CYP3A4: variants seen among roughly 807,000 people sequenced by gnomAD.
The protein encoded by CYP3A4 is cytochrome P450 family 3 subfamily A member 4.
Under a neutral mutation model 54.9 loss-of-function variants are expected in CYP3A4, and 41 were observed. The observed-to-expected ratio is 0.75, with a 90% CI of 0.58 to 0.97. The LOEUF is 0.97. Ranked by LOEUF, CYP3A4 falls within the 50% of genes least tolerant of loss-of-function variation. The probability of loss-of-function intolerance (pLI) is 0.00; values close to 1 mark genes in which losing one functional copy is unlikely to be tolerated. For synonymous variants in CYP3A4, 179 were observed against 205.2 expected (o/e 0.87, Z 1.09); for missense variants, 510 against 597.3 (o/e 0.85, Z 1.52).
intron 1 of CYP3A4, among the ~76,000 whole-genome samples, chr7:99,781,993 A>AGCAG (rs1815937344): frequency 6.6e-6 from 1 of 152,244 alleles, no homozygotes; most frequent in Non-Finnish European, 1.5e-5. Context: ...ACCCAGCAGA[A>AGCAG]GCAGCATAGC....
At chr7:99,767,054 C>T (rs1815492924) in intron 8 of CYP3A4, 77 bp downstream of exon 8, 1 of 1,342,582 alleles carries the variant, frequency 7.4e-7, no homozygotes, top group Admixed American at 2.0e-5. Flanking sequence ...ATACAGGTAA[C>T]TGCACTGATC....
rs779129199 is a variant in CYP3A4, at chr7:99,779,978, T to C, written c.165+14A>G. ...AATCATAAGAAGCAAAAGAGTGAGC[T>C]CAAAAACACTCACCTTATGGTAGGA... On this transcript the variant is annotated intron_variant, in intron 2 of 12. Transcript: ENST00000651514. 3.7e-6 allele frequency: 6 copies of C among 1,606,402 alleles called. No homozygotes were observed. The South Asian group carries it at 6.6e-5, about 18-fold the overall frequency.
At chr7:99,779,943 T>C (rs1378684813) in intron 2 of CYP3A4, 49 bp downstream of exon 2, 1 of 1,545,544 alleles carries the variant, frequency 6.5e-7, no homozygotes. Flanking sequence ...GGAACTAAGC[T>C]GCTCTTGGCA....
Position 99,772,647 on chromosome 7 carries a change from A to G in CYP3A4, c.261T>C (p.Pro87=), listed in dbSNP as rs764091773. The G allele has an allele frequency of 9.3e-6, 15 of 1,613,382 alleles. No individual in the cohort carries two copies. The highest frequency in any genetic ancestry group is 1.7e-5 in the Admixed American group (1 of 59,974). The change falls in exon 4 of 13, where the codon CCT becomes CCC. Residue 87 remains proline, a synonymous_variant. Transcript: ENST00000651514. Reference sequence around the variant, plus strand: ...TCACTAGCACTGTTTTGATCATGTCAGGATCTGTGATAGCCAGCACAGGCT... The same window carrying G: ...TCACTAGCACTGTTTTGATCATGTCGGGATCTGTGATAGCCAGCACAGGCT... ...GQQPVLAITD[P]DMIKTVLVKE... is the part of the protein sequence containing the mutation.
At chr7:99,771,887 C>CA (rs1388945524) in intron 4 of CYP3A4, among the ~76,000 whole-genome samples, 16 of 151,586 alleles carry the variant, frequency 1.1e-4, no homozygotes, top group Admixed American at 3.9e-4. Flanking sequence ...CCATAAGCCA[C>CA]AAAAAAAATG....
At chr7:99,761,102 G>A (rs1266501389) in intron 11 of CYP3A4, 121 bp from the exon 12 acceptor site, 50 of 1,138,250 alleles carry the variant, frequency 4.4e-5, no homozygotes, top group Non-Finnish European at 6.2e-5. Context: ...ACTTTTGTGG[G>A]CTGGTCATTG....
At chr7:99,769,129 T>C (rs547928880) in intron 6 of CYP3A4, among the ~76,000 whole-genome samples, 1 of 152,246 alleles carries the variant, frequency 6.6e-6, no homozygotes, top group East Asian at 1.9e-4. Context: ...TCTCTCAAAA[T>C]TTGATTTGGA....
intron 11 of CYP3A4, among the ~76,000 whole-genome samples, chr7:99,761,415 C>G (rs1446473560): frequency 1.3e-5 from 2 of 151,644 alleles, no homozygotes; most frequent in Non-Finnish European, 2.9e-5. Flanking sequence ...TTGCACTTTC[C>G]TTCTCATCTC....
intron 2 of CYP3A4, among the ~76,000 whole-genome samples, chr7:99,779,219 G>C (rs1408469318): frequency 6.6e-6 from 1 of 150,990 alleles, no homozygotes; most frequent in Non-Finnish European, 1.5e-5. Context: ...ATGTGATTCC[G>C]CCTTTGTGTA....
chr7:99,766,263 CGTT>C, intron 9 of CYP3A4, 111 bp downstream of exon 9: 1 of 1,245,192 alleles, frequency 8.0e-7, no homozygotes, highest in Non-Finnish European at 1.1e-6. Context: ...AAACATGTGT[CGTT>C]CTGCTATGTG....
chr7:99,760,767 T>C, intron 12 of CYP3A4, 52 bp downstream of exon 12: 1 of 1,589,496 alleles, frequency 6.3e-7, no homozygotes. Flanking sequence ...TACAGACCAC[T>C]CAGTTAAAAG....
intron 4 of CYP3A4, 30 bp downstream of exon 4, chr7:99,772,560 G>T (rs1488847534): frequency 1.2e-5 from 19 of 1,608,950 alleles, no homozygotes; most frequent in Non-Finnish European, 1.6e-5. Flanking sequence ...TAATCAATCA[G>T]TATTTTAATT....
intron 12 of CYP3A4, among the ~76,000 whole-genome samples, chr7:99,759,632 A>G (rs1815265111): frequency 1.3e-5 from 2 of 152,156 alleles, no homozygotes; most frequent in African/African-American, 4.8e-5. Flanking sequence ...TGGAGGGGGG[A>G]AGACATTTTA....
At position 99,767,188 on chromosome 7, in the gene CYP3A4, A is replaced by G. The variant is rs1318320401; in HGVS notation, c.741T>C (p.Asn247=). 1.9e-6 allele frequency: 3 copies of G among 1,611,966 alleles called. No homozygotes were observed. The highest frequency in any genetic ancestry group is 1.7e-6 in the Non-Finnish European group (2 of 1,178,792). The change falls in exon 8 of 13, where the codon AAT becomes AAC. Residue 247 remains asparagine, a synonymous_variant. Coordinates refer to ENST00000651514, the MANE Select transcript of CYP3A4 (RefSeq NM_017460.6). ...TCCTTTTTACAGATTTTCTTAAAAA[A>G]TTTGTAACTTCTCTTGGAAACACAC... The part of the protein sequence containing the change: ...NICVFPREVT[N]FLRKSVKRMK...
At chr7:99,760,770 G>C in intron 12 of CYP3A4, 49 bp downstream of exon 12, 1 of 1,593,404 alleles carries the variant, frequency 6.3e-7, no homozygotes, top group Non-Finnish European at 8.6e-7. Flanking sequence ...AGACCACTCA[G>C]TTAAAAGAAT....
intron 2 of CYP3A4, among the ~76,000 whole-genome samples, chr7:99,779,292 C>A (rs1159790156): frequency 6.6e-6 from 1 of 152,058 alleles, no homozygotes; most frequent in African/African-American, 2.4e-5. Flanking sequence ...CCACCACTGT[C>A]TCATCTCAGT....
intron 6 of CYP3A4, among the ~76,000 whole-genome samples, 198 bp from the exon 7 acceptor site, chr7:99,768,700 G>C (rs1003756884): frequency 6.6e-6 from 1 of 152,112 alleles, no homozygotes; most frequent in African/African-American, 2.4e-5. Context: ...TACGCTGGGT[G>C]TGATGGAGAC....
intron 12 of CYP3A4, 126 bp from the exon 13 acceptor site, chr7:99,758,354 T>C (rs1021313226): frequency 1.8e-6 from 2 of 1,138,398 alleles, no homozygotes; most frequent in Non-Finnish European, 2.6e-6. Context: ...CTGATCTCTA[T>C]GGAGTAATGG....
At chr7:99,772,873 A>G (rs950291584) in intron 3 of CYP3A4, among the ~76,000 whole-genome samples, 184 bp from the exon 4 acceptor site, 2 of 152,134 alleles carry the variant, frequency 1.3e-5, no homozygotes, top group African/African-American at 4.8e-5. Context: ...GAGCCACTCA[A>G]GTCTTCATAT....
Sources: gnomAD v4.1 joint callset for allele counts (sites outside exome capture counted in the v4.1 genomes callset) on GRCh38, gnomAD v4.1.1 for gene constraint, MANE v1.5 for transcripts, NCBI Gene and HGNC (gene_info 2026-07-23, HGNC 2026-07-21) for gene names.